The following GOSR1 variants were observed in gnomAD, a reference collection of about 807,000 sequenced individuals.
The protein encoded by GOSR1 is 28 kDa Golgi SNARE protein.
In GOSR1, 21 loss-of-function variants were observed where a neutral mutation model predicts 35.5. That is an observed-to-expected ratio of 0.59 (90% confidence interval 0.42 to 0.85). The LOEUF (loss-of-function observed/expected upper bound fraction) is 0.85, where lower values mean the gene tolerates loss of function less well. Among genes scored for constraint, GOSR1 ranks in the 40% least tolerant of loss-of-function variants. The pLI, the probability that GOSR1 is intolerant of heterozygous loss-of-function variation, is 0.00. For missense variants in GOSR1, 285 were observed against 309.6 expected (o/e 0.92, Z 0.60); for synonymous variants, 94 against 106.6 (o/e 0.88, Z 0.73).
Position 30,523,151 on chromosome 17 carries a change from C to T in GOSR1, c.*773C>T. The stretch of plus-strand genomic sequence containing the variant: ...GAGATTGCAGCCTCTGCCCGGCCGC[C>T]ACCCCGTCTGGAAAGTGAGGAGCGC... On this transcript the variant is annotated 3_prime_UTR_variant, in exon 9 of 9. Coordinates refer to ENST00000451249, the MANE Select transcript of GOSR1 (RefSeq NM_001007025.2). 5.2e-6 allele frequency: 1 copy of T among 193,760 alleles called. No homozygotes were observed. The highest frequency in any genetic ancestry group is 1.0e-5 in the Non-Finnish European group (1 of 95,382). The allele number at this position is 193,760 out of a possible 1,614,324, so 12.0% of individuals were successfully genotyped here.
At chr17:30,481,089 AT>A in intron 1 of GOSR1, 53 bp from the exon 2 acceptor site, 1 of 1,184,750 alleles carries the variant, frequency 8.4e-7, no homozygotes, top group Non-Finnish European at 1.3e-6. Flanking sequence ...TGGTGCTGTG[AT>A]TTTTGTGTCT....
intron 6 of GOSR1, among the ~76,000 whole-genome samples, chr17:30,499,403 G>A (rs368032170): frequency 5.4e-5 from 8 of 149,522 alleles, no homozygotes; most frequent in South Asian, 2.1e-4. Flanking sequence ...GTGCAGTGGC[G>A]CAATCTTGGC....
Position 30,525,984 on chromosome 17 carries a change from G to A in GOSR1, c.*3606G>A, listed in dbSNP as rs190169276. 6.6e-6 allele frequency: 1 copy of A among 152,378 alleles called. No homozygotes were observed. The highest frequency in any genetic ancestry group is 1.5e-5 in the Non-Finnish European group (1 of 68,058). 9.4% of individuals were successfully genotyped at this position (152,378 alleles called of 1,614,324 possible). ...TCCTCTTAGGGTTTCTTTGCAGAAA[G>A]AAACCTCCAGCAAGGGAAGAGAGGT... On this transcript the variant is annotated 3_prime_UTR_variant, in exon 9 of 9. Coordinates refer to ENST00000451249, the MANE Select transcript of GOSR1 (RefSeq NM_001007025.2).
chr17:30,486,818 A>G (rs1456055691), intron 4 of GOSR1, among the ~76,000 whole-genome samples: 2 of 152,244 alleles, frequency 1.3e-5, no homozygotes, highest in Non-Finnish European at 2.9e-5. Flanking sequence ...CTACTGAGGG[A>G]CATAGAACAA....
At chr17:30,521,702 C>T (rs1968042729) in intron 8 of GOSR1, among the ~76,000 whole-genome samples, 1 of 152,162 alleles carries the variant, frequency 6.6e-6, no homozygotes, top group Non-Finnish European at 1.5e-5. Context: ...AATAATTCAC[C>T]AGTGTCTGAT....
chr17:30,515,782 A>C (rs1328855548), intron 7 of GOSR1, among the ~76,000 whole-genome samples: 2 of 152,196 alleles, frequency 1.3e-5, no homozygotes, highest in Non-Finnish European at 2.9e-5. Flanking sequence ...TTACCCAGTT[A>C]CATTTCTTTA....
At position 30,522,591 on chromosome 17, in the gene GOSR1, A is replaced by AT. The variant is rs1470809833; in HGVS notation, c.*215dup. The AT allele has an allele frequency of 2.3e-5, 8 of 351,934 alleles. No individual in the cohort carries two copies. The highest frequency in any genetic ancestry group is 4.7e-5 in the Admixed American group (1 of 21,318). The allele number at this position is 351,934 out of a possible 1,614,324, so 21.8% of individuals were successfully genotyped here. ...TTTCTAACACATTTTTCTGTTTTTA[A>AT]TTAAAAAAAAAAAAAAAAGGTTTTC... On this transcript the variant is annotated 3_prime_UTR_variant, in exon 9 of 9. Coordinates refer to ENST00000451249, the MANE Select transcript of GOSR1 (RefSeq NM_001007025.2).
chr17:30,502,003 C>G (rs750674588), intron 6 of GOSR1, among the ~76,000 whole-genome samples: 17 of 152,160 alleles, frequency 1.1e-4, no homozygotes, highest in Non-Finnish European at 5.9e-5. Context: ...GGTGGTACAT[C>G]CATGCAATGG....
chr17:30,495,534 G>A (rs1169910535), intron 6 of GOSR1: 1 of 426,892 alleles, frequency 2.3e-6, no homozygotes, highest in South Asian at 1.7e-5. Context: ...ACCAGGTGTA[G>A]ATCAGTCACC....
chr17:30,485,526 G>C (rs1914627842), intron 4 of GOSR1, among the ~76,000 whole-genome samples: 1 of 152,012 alleles, frequency 6.6e-6, no homozygotes. Context: ...ATATTGCCCA[G>C]GCTGGTCTCT....
rs1270635388 is a variant in GOSR1, at chr17:30,481,106, T to C, written c.32-37T>C. The C allele has an allele frequency of 3.6e-6, 5 of 1,406,886 alleles. No individual in the cohort carries two copies. In the Admixed American group the frequency reaches 5.0e-5, roughly 14 times the overall value. The allele number at this position is 1,406,886 out of a possible 1,614,324, so 87.2% of individuals were successfully genotyped here. A position where few individuals can be genotyped will look rare whatever the true frequency, so the allele number is the denominator to read the frequency against. ...GTGCTGTGATTTTTGTGTCTACTTT[T>C]TATGTCTAATTATTTGTTGTTATAA... On this transcript the variant is annotated intron_variant, in intron 1 of 8. Transcript: ENST00000451249.
intron 2 of GOSR1, among the ~76,000 whole-genome samples, 167 bp from the exon 3 acceptor site, chr17:30,484,047 A>C (rs1401218137): frequency 1.3e-5 from 2 of 152,362 alleles, no homozygotes; most frequent in East Asian, 3.9e-4. Context: ...AGGTTGAAGG[A>C]ACCATAATTC....
At chr17:30,494,038 G>A (rs1966899152) in intron 6 of GOSR1, among the ~76,000 whole-genome samples, 1 of 151,982 alleles carries the variant, frequency 6.6e-6, no homozygotes, top group Non-Finnish European at 1.5e-5. Flanking sequence ...TTTGCAGTAG[G>A]GTCGGACCTT....
chr17:30,499,489 A>G (rs187954941), intron 6 of GOSR1, among the ~76,000 whole-genome samples: 2 of 152,012 alleles, frequency 1.3e-5, no homozygotes, highest in Non-Finnish European at 2.9e-5. Context: ...CTACAGGCGC[A>G]TGCCACCACG....
rs543206631 is a variant in GOSR1, at chr17:30,525,219, C to T, written c.*2841C>T. On this transcript the variant is annotated 3_prime_UTR_variant, in exon 9 of 9. Coordinates refer to ENST00000451249, the MANE Select transcript of GOSR1 (RefSeq NM_001007025.2). The stretch of plus-strand genomic sequence containing the variant: ...TGGTGTATAGATGCTGTTATTCAGG[C>T]GAACTTGCTCATGGGTGGACTAACA... 1 of 152,154 alleles carries T rather than the reference C, an allele frequency of 6.6e-6. No individual in the cohort carries two copies. Among genetic ancestry groups the T allele is most frequent in the Non-Finnish European group, 1.5e-5 (1 of 68,038 alleles). 9.4% of individuals were successfully genotyped at this position (152,154 alleles called of 1,614,324 possible). A position where few individuals can be genotyped will look rare whatever the true frequency, so the allele number is the denominator to read the frequency against.
At position 30,524,156 on chromosome 17, in the gene GOSR1, T is replaced by C. The variant is rs1968139941; in HGVS notation, c.*1778T>C. 2 of 165,466 alleles carry C rather than the reference T, an allele frequency of 1.2e-5. No individual in the cohort carries two copies. The highest frequency in any genetic ancestry group is 4.8e-5 in the African/African-American group (2 of 41,500). 10.2% of individuals were successfully genotyped at this position (165,466 alleles called of 1,614,324 possible). ...GTTGATCTGCTGACCTTCCCTCCAC[T>C]ATTGTCCTATGACCCTGCCAAATCC... On this transcript the variant is annotated 3_prime_UTR_variant, in exon 9 of 9. Transcript: ENST00000451249.
chr17:30,513,493 A>G (rs1277475940), intron 7 of GOSR1, among the ~76,000 whole-genome samples: 2 of 152,206 alleles, frequency 1.3e-5, no homozygotes, highest in African/African-American at 4.8e-5. Flanking sequence ...ATGTCTAGAT[A>G]TACTTTGTGG....
At chr17:30,505,426 A>C (rs1225799780) in intron 6 of GOSR1, among the ~76,000 whole-genome samples, 2 of 152,124 alleles carry the variant, frequency 1.3e-5, no homozygotes, top group Admixed American at 1.3e-4. Flanking sequence ...TAATACAAAG[A>C]AATCTCATGT....
intron 1 of GOSR1, chr17:30,477,693 A>C (rs1051983335): frequency 1.0e-6 from 1 of 985,316 alleles, no homozygotes; most frequent in East Asian, 1.1e-4. Context: ...GGGGTTGGGC[A>C]GAGTGGACAG....
Sources: allele counts gnomAD v4.1 joint callset (sites outside exome capture counted in the v4.1 genomes callset), GRCh38; gene constraint gnomAD v4.1.1; transcripts MANE v1.5; gene names NCBI Gene and HGNC (gene_info 2026-07-23, HGNC 2026-07-21).